Variants in PTPRD observed in about 807,000 individuals in gnomAD.
PTPRD encodes the protein protein tyrosine phosphatase receptor type D, also known as receptor-type tyrosine-protein phosphatase delta.
PTPRD carries 34 observed loss-of-function variants against 214.5 expected under a neutral mutation model. The observed-to-expected ratio is 0.16, with a 90% CI of 0.12 to 0.21. The LOEUF (loss-of-function observed/expected upper bound fraction) is 0.21, where lower values mean the gene tolerates loss of function less well. Ranked by LOEUF, PTPRD falls within the 10% of genes least tolerant of loss-of-function variation. PTPRD has a pLI of 1.00. For missense variants in PTPRD, 2,545 were observed against 2,398.7 expected (o/e 1.06, Z -1.27); for synonymous variants, 1,128 against 845.7 (o/e 1.33, Z -5.79).
At chr9:8,345,782 T>G (rs1313449793) in intron 39 of PTPRD, among the ~76,000 whole-genome samples, 1 of 152,124 alleles carries the variant, frequency 6.6e-6, no homozygotes, top group East Asian at 1.9e-4. Flanking sequence ...TCTACTGGCA[T>G]CCGTTCAGAC....
chr9:10,103,710 A>G (rs979809237), intron 3 of PTPRD, among the ~76,000 whole-genome samples: 1 of 151,308 alleles, frequency 6.6e-6, no homozygotes, highest in African/African-American at 2.4e-5. Flanking sequence ...TCCCAAATGG[A>G]GCTCTGGAGT....
Position 8,449,741 on chromosome 9 carries a change from A to C in PTPRD, c.3972T>G (p.Leu1324=). Residue 1324 remains leucine (L), a synonymous_variant, in exon 34 of 46, where the codon CTT becomes CTG. Transcript: ENST00000381196. Reference sequence around the variant, plus strand: ...GCTTCTTACCCGGTGTTTGAAAGTTAAGGCGCCTCAGTTCTACAGGGTCTG... The same window carrying C: ...GCTTCTTACCCGGTGTTTGAAAGTTCAGGCGCCTCAGTTCTACAGGGTCTG... The part of the protein sequence containing the change: ...HPTDPVELRR[L]NFQTPGMASH... 3 of 1,613,844 alleles carry C rather than the reference A, an allele frequency of 1.9e-6. No individual in the cohort carries two copies. Among genetic ancestry groups the C allele is most frequent in the Non-Finnish European group, 2.5e-6 (3 of 1,179,756 alleles).
intron 11 of PTPRD, among the ~76,000 whole-genome samples, chr9:8,998,825 G>A (rs1043077333): frequency 6.6e-6 from 1 of 152,004 alleles, no homozygotes; most frequent in African/African-American, 2.4e-5. Context: ...AACATTAATA[G>A]TTTGAAAGTT....
chr9:8,344,531 A>G (rs572900348), intron 39 of PTPRD, among the ~76,000 whole-genome samples: 2 of 152,154 alleles, frequency 1.3e-5, no homozygotes, highest in East Asian at 3.9e-4. Context: ...GAAAAGAAAT[A>G]ACAGAGGCTA....
chr9:8,657,755 A>C (rs1164659120), intron 12 of PTPRD, among the ~76,000 whole-genome samples: 1 of 152,112 alleles, frequency 6.6e-6, no homozygotes, highest in Non-Finnish European at 1.5e-5. Context: ...CATTTTACTA[A>C]GTCTAAGTTT....
intron 10 of PTPRD, among the ~76,000 whole-genome samples, chr9:9,054,347 A>T (rs908782670): frequency 1.3e-5 from 2 of 152,208 alleles, no homozygotes; most frequent in Non-Finnish European, 2.9e-5. Flanking sequence ...AATTTGTTTC[A>T]AAACATCTGA....
chr9:10,317,144 A>T (rs1188693055), intron 3 of PTPRD, among the ~76,000 whole-genome samples: 1 of 151,932 alleles, frequency 6.6e-6, no homozygotes, highest in Admixed American at 6.6e-5. Context: ...ATATAGAAAC[A>T]CTAATGCAAA....
At chr9:9,936,347 T>C (rs1291867413) in intron 5 of PTPRD, among the ~76,000 whole-genome samples, 2 of 151,404 alleles carry the variant, frequency 1.3e-5, no homozygotes, top group Non-Finnish European at 2.9e-5. Flanking sequence ...AGGGCTAATA[T>C]CCAGAATCTA....
At chr9:9,499,347 C>G (rs139722919) in intron 8 of PTPRD, among the ~76,000 whole-genome samples, 1 of 152,044 alleles carries the variant, frequency 6.6e-6, no homozygotes, top group African/African-American at 2.4e-5. Flanking sequence ...ACTTCTCCTT[C>G]TGTGTGCTTT....
At position 8,359,414 on chromosome 9, in the gene PTPRD, T is replaced by G. The variant is rs188247348; in HGVS notation, c.4661+16522A>C. ...ATCTCAGCTCACTGCAACTTCCACCTCCCAGGTTCAAGCAATTCTCTTGCT... is the reference window on the plus strand; with the variant it reads ...ATCTCAGCTCACTGCAACTTCCACCGCCCAGGTTCAAGCAATTCTCTTGCT... On this transcript the variant is annotated intron_variant, in intron 39 of 45. Coordinates refer to ENST00000381196, the MANE Select transcript of PTPRD (RefSeq NM_002839.4). Among the ~76,000 whole-genome samples the G allele has an allele frequency of 2.2e-3, 329 of 151,968 alleles. 2 individuals are homozygous for G. The highest frequency in any genetic ancestry group is 0.019 in the Admixed American group (297 of 15,254).
chr9:9,183,434 T>C (rs1042032504), intron 9 of PTPRD, 71 bp from the exon 10 acceptor site: 39 of 151,976 alleles, frequency 2.6e-4, no homozygotes, highest in African/African-American at 9.2e-4. Context: ...TTAAGATAAA[T>C]GCTGTCACCC....
At chr9:10,473,633 T>C (rs1017412580) in intron 2 of PTPRD, among the ~76,000 whole-genome samples, 1 of 152,096 alleles carries the variant, frequency 6.6e-6, no homozygotes, top group Non-Finnish European at 1.5e-5. Context: ...GTACATCATT[T>C]CTGATTGACA....
rs2099080920 is a variant in PTPRD at position 8,948,458 on chromosome 9, TATATA to T, written c.-104+70234_-104+70238del. Among the ~76,000 whole-genome samples the T allele has an allele frequency of 2.2e-4, 3 of 13,808 alleles. 1 individual carries two copies. Among genetic ancestry groups the T allele is most frequent in the Non-Finnish European group, 5.1e-4 (3 of 5,896 alleles). The allele number at this position is 13,808 out of a possible 152,430, so 9.1% of individuals were successfully genotyped here. A position where few individuals can be genotyped will look rare whatever the true frequency, so the allele number is the denominator to read the frequency against. Reference sequence around the variant, plus strand: ...ATATTTACATATATATATATTTATATATATATTTACATATATATATATTTATATAT... The same window carrying T: ...ATATTTACATATATATATATTTATATTTTACATATATATATATTTATATAT... On this transcript the variant is annotated intron_variant, in intron 11 of 45. Transcript: ENST00000381196.
At chr9:9,250,360 C>A (rs1213004758) in intron 9 of PTPRD, among the ~76,000 whole-genome samples, 1 of 152,012 alleles carries the variant, frequency 6.6e-6, no homozygotes, top group Non-Finnish European at 1.5e-5. Flanking sequence ...TGTATAAATA[C>A]TAATATCTGC....
intron 10 of PTPRD, among the ~76,000 whole-genome samples, chr9:9,176,146 T>A (rs2099924703): frequency 6.6e-6 from 1 of 152,194 alleles, no homozygotes; most frequent in Admixed American, 6.5e-5. Flanking sequence ...ATGAGGCAGA[T>A]AAACTTAAGG....
intron 3 of PTPRD, among the ~76,000 whole-genome samples, chr9:10,235,178 G>A (rs943809290): frequency 6.6e-6 from 1 of 151,768 alleles, no homozygotes; most frequent in Non-Finnish European, 1.5e-5. Flanking sequence ...TTTAAATATT[G>A]TGAATGTTAA....
intron 38 of PTPRD, 76 bp from the exon 39 acceptor site, chr9:8,376,166 A>G: frequency 1.3e-6 from 2 of 1,520,502 alleles, no homozygotes; most frequent in Non-Finnish European, 1.8e-6. Context: ...GGGAAGAGGT[A>G]ATGCTAAAAT....
At chr9:9,184,284 CT>C (rs1363903025) in intron 9 of PTPRD, among the ~76,000 whole-genome samples, 5 of 152,042 alleles carry the variant, frequency 3.3e-5, no homozygotes, top group Non-Finnish European at 7.4e-5. Context: ...AAACATTTCC[CT>C]TTTCCTTCTG....
intron 7 of PTPRD, among the ~76,000 whole-genome samples, chr9:9,664,149 G>C (rs1258100193): frequency 1.4e-5 from 2 of 146,650 alleles, no homozygotes; most frequent in Non-Finnish European, 3.0e-5. Context: ...TGAGTTACAC[G>C]TAAAGAGTCC....
Sources: allele counts gnomAD v4.1 joint callset (sites outside exome capture counted in the v4.1 genomes callset), GRCh38; gene constraint gnomAD v4.1.1; transcripts MANE v1.5; gene names NCBI Gene and HGNC (gene_info 2026-07-23, HGNC 2026-07-21).